The following CYB5A variants were observed in gnomAD, a reference collection of about 807,000 sequenced individuals.
The protein encoded by CYB5A is cytochrome b5.
CYB5A carries 10 observed loss-of-function variants against 16.2 expected under a neutral mutation model. The observed-to-expected ratio is 0.62, with a 90% confidence interval of 0.38 to 1.04. The LOEUF (loss-of-function observed/expected upper bound fraction) is 1.04. CYB5A is among the 50% of genes least tolerant of loss of function. The pLI is 0.01. For synonymous variants in CYB5A, 62 were observed against 57.0 expected (o/e 1.09, Z -0.40); for missense variants, 161 against 165.9 (o/e 0.97, Z 0.16).
At chr18:74,269,930 C>G (rs1009796892) in intron 1 of CYB5A, among the ~76,000 whole-genome samples, 1 of 152,128 alleles carries the variant, frequency 6.6e-6, no homozygotes, top group Non-Finnish European at 1.5e-5. Flanking sequence ...AGAGGGGTGG[C>G]AGTAATGGTG....
chr18:74,262,122 G>A (rs1166067890), intron 2 of CYB5A, among the ~76,000 whole-genome samples: 1 of 152,150 alleles, frequency 6.6e-6, no homozygotes, highest in African/African-American at 2.4e-5. Context: ...CTGCCACAGA[G>A]GGGTCTAAAA....
In CYB5A at chr18:74,253,573, TGAG is replaced by T. The variant is rs1981847102; in HGVS notation, c.*8_*10del. On this transcript the variant is annotated 3_prime_UTR_variant, in exon 5 of 5. Coordinates refer to ENST00000340533, the MANE Select transcript of CYB5A (RefSeq NM_148923.4). Reference sequence around the variant, plus strand: ...AGCAGGCTCTTCCTGCGCTGACTTCTGAGGAGGTGTTCAGTCCTCTGCCATGTA... The same window carrying T: ...AGCAGGCTCTTCCTGCGCTGACTTCTGAGGTGTTCAGTCCTCTGCCATGTA... The T allele has an allele frequency of 6.3e-7, 1 of 1,599,602 alleles. No homozygotes were observed. The highest frequency in any genetic ancestry group is 1.3e-5 in the African/African-American group (1 of 74,756).
chr18:74,291,231 C>T (rs140044320), intron 1 of CYB5A, among the ~76,000 whole-genome samples: 1 of 152,256 alleles, frequency 6.6e-6, no homozygotes, highest in African/African-American at 2.4e-5. Context: ...GAAGGACACC[C>T]TTCTATTCAA....
At chr18:74,281,472 G>A (rs903974788) in intron 1 of CYB5A, among the ~76,000 whole-genome samples, 4 of 152,278 alleles carry the variant, frequency 2.6e-5, no homozygotes, top group East Asian at 1.9e-4. Flanking sequence ...GACAGGAGGT[G>A]GAGGGAGGAG....
At chr18:74,254,676 T>C (rs13381421) in intron 4 of CYB5A, among the ~76,000 whole-genome samples, 7,185 of 150,440 alleles carry the variant, frequency 0.048, 402 homozygotes, top group East Asian at 0.17. Flanking sequence ...CCCGCCACCA[T>C]GCCCGGCTAA....
At chr18:74,267,136 C>T (rs1375272368) in intron 1 of CYB5A, among the ~76,000 whole-genome samples, 1 of 151,852 alleles carries the variant, frequency 6.6e-6, no homozygotes, top group African/African-American at 2.4e-5. Flanking sequence ...TAAATACATG[C>T]AGCAATTTTA....
In CYB5A at chr18:74,263,496, G is replaced by C; in HGVS notation, c.130-19C>G. The C allele has an allele frequency of 3.1e-6, 5 of 1,613,328 alleles. No individual in the cohort carries two copies. The highest frequency in any genetic ancestry group is 4.2e-6 in the Non-Finnish European group (5 of 1,179,504). ...CAGGATGCTGTTCAAAGGAGAGGTA[G>C]AATAAAAATTTTTTTTTCAGGCAAA... On this transcript the variant is annotated intron_variant, in intron 1 of 4. Transcript: ENST00000340533.
At chr18:74,263,536 AC>A in intron 1 of CYB5A, 59 bp from the exon 2 acceptor site, 3 of 1,497,808 alleles carry the variant, frequency 2.0e-6, no homozygotes, top group Non-Finnish European at 2.8e-6. Context: ...TTAAGAGAAA[AC>A]GGCCAGAATT....
At chr18:74,268,023 G>A (rs1307818271) in intron 1 of CYB5A, among the ~76,000 whole-genome samples, 1 of 152,198 alleles carries the variant, frequency 6.6e-6, no homozygotes, top group Admixed American at 6.5e-5. Flanking sequence ...CTTTCCAGAG[G>A]AAGATTTCCA....
At chr18:74,270,828 G>A (rs547526611) in intron 1 of CYB5A, among the ~76,000 whole-genome samples, 2 of 152,302 alleles carry the variant, frequency 1.3e-5, no homozygotes, top group East Asian at 3.9e-4. Context: ...AGGACTCCCT[G>A]GAGCACACCT....
At chr18:74,291,638 G>A in intron 1 of CYB5A, 109 bp downstream of exon 1, 1 of 1,518,988 alleles carries the variant, frequency 6.6e-7, no homozygotes, top group Non-Finnish European at 9.0e-7. Flanking sequence ...CGGGGGGCGC[G>A]CCTAGGCGTA....
chr18:74,259,226 G>A (rs1490458707), intron 3 of CYB5A: 1 of 152,180 alleles, frequency 6.6e-6, no homozygotes, highest in Non-Finnish European at 1.5e-5. Context: ...CTAACAAGCT[G>A]ATCAAGTATC....
rs1413388855 is a variant in CYB5A, at chr18:74,272,141, G to T, written c.130-8664C>A. Among the ~76,000 whole-genome samples the T allele has an allele frequency of 3.3e-5, 5 of 152,188 alleles. No homozygotes were observed. In the South Asian group the frequency reaches 1.0e-3, roughly 32 times the overall value. Reference sequence around the variant, plus strand: ...AACTGTTGGACATGCTCACAGACACGTTCCAGCTCACAGCCTATGCCCCTT... The same window carrying T: ...AACTGTTGGACATGCTCACAGACACTTTCCAGCTCACAGCCTATGCCCCTT... On this transcript the variant is annotated intron_variant, in intron 1 of 4. Transcript: ENST00000340533.
At chr18:74,269,495 AG>A (rs148068069) in intron 1 of CYB5A, among the ~76,000 whole-genome samples, 145 of 152,246 alleles carry the variant, frequency 9.5e-4, no homozygotes, top group African/African-American at 3.3e-3. Flanking sequence ...GAAGAGCCCC[AG>A]GTCCCTCCCA....
chr18:74,284,652 A>T (rs1007262650), intron 1 of CYB5A, among the ~76,000 whole-genome samples: 15 of 152,202 alleles, frequency 9.9e-5, no homozygotes, highest in African/African-American at 3.6e-4. Context: ...ATTCCATTTC[A>T]GACAGGCTCC....
chr18:74,263,871 C>T (rs1232319063), intron 1 of CYB5A, among the ~76,000 whole-genome samples: 1 of 152,088 alleles, frequency 6.6e-6, no homozygotes, highest in Non-Finnish European at 1.5e-5. Context: ...GTGACTGCAC[C>T]ACTGCACTCC....
chr18:74,290,603 C>A (rs1983495069), intron 1 of CYB5A, among the ~76,000 whole-genome samples: 1 of 152,110 alleles, frequency 6.6e-6, no homozygotes, highest in Non-Finnish European at 1.5e-5. Context: ...AAACAAAGTC[C>A]TCTGATATAA....
chr18:74,275,572 T>A (rs568739241), intron 1 of CYB5A, among the ~76,000 whole-genome samples: 2 of 152,320 alleles, frequency 1.3e-5, no homozygotes, highest in African/African-American at 4.8e-5. Flanking sequence ...CTGAGCCTAA[T>A]CCTAATTACT....
chr18:74,278,436 A>T (rs1982966598), intron 1 of CYB5A, among the ~76,000 whole-genome samples: 1 of 152,174 alleles, frequency 6.6e-6, no homozygotes, highest in Non-Finnish European at 1.5e-5. Flanking sequence ...CCCATTTTAT[A>T]TTGCCACAGA....
Sources: allele counts gnomAD v4.1 joint callset (sites outside exome capture counted in the v4.1 genomes callset), GRCh38; gene constraint gnomAD v4.1.1; transcripts MANE v1.5; gene names NCBI Gene and HGNC (gene_info 2026-07-23, HGNC 2026-07-21).